RBPJ: variants seen among roughly 807,000 people sequenced by gnomAD.
The protein encoded by RBPJ is recombining binding protein suppressor of hairless.
In RBPJ, 9 loss-of-function variants were observed where a neutral mutation model predicts 67.8. The observed-to-expected ratio is 0.13, with a 90% CI of 0.08 to 0.23. The LOEUF is 0.23. Ranked by LOEUF, RBPJ falls within the 10% of genes least tolerant of loss-of-function variation. The pLI is 1.00. For missense variants in RBPJ, 305 were observed against 595.6 expected (o/e 0.51, Z 5.08); for synonymous variants, 198 against 203.3 (o/e 0.97, Z 0.22).
intron 3 of RBPJ, among the ~76,000 whole-genome samples, chr4:26,412,742 G>C (rs1734167701): frequency 6.6e-6 from 1 of 152,084 alleles, no homozygotes; most frequent in Non-Finnish European, 1.5e-5. Context: ...AAAAAAACAG[G>C]AGATGTGTTT....
At chr4:26,329,347 T>C (rs1723991127) in intron 1 of RBPJ, among the ~76,000 whole-genome samples, 1 of 152,148 alleles carries the variant, frequency 6.6e-6, no homozygotes, top group Non-Finnish European at 1.5e-5. Context: ...TAAAATAGAT[T>C]GGAATTGGTG....
At chr4:26,139,037 C>A in the RBPJ span, among the ~76,000 whole-genome samples, 400 of 152,328 alleles carry the variant, frequency 2.6e-3, no homozygotes, top group African/African-American at 8.6e-3. Flanking sequence ...CTCAGGACAA[C>A]CCAGGCAGCT....
At chr4:26,167,843 G>A (rs1478469545) in intron 1 of RBPJ, among the ~76,000 whole-genome samples, 28 of 151,852 alleles carry the variant, frequency 1.8e-4, no homozygotes, top group Non-Finnish European at 3.2e-4. Context: ...GTATGATATT[G>A]GCTGTGGGTT....
chr4:26,244,439 ATG>A (rs1343942959), intron 1 of RBPJ, among the ~76,000 whole-genome samples: 13 of 136,112 alleles, frequency 9.6e-5, no homozygotes, highest in South Asian at 2.3e-4. Context: ...ATGTATACAT[ATG>A]TGTGTATACA....
intron 2 of RBPJ, among the ~76,000 whole-genome samples, chr4:26,391,768 A>G (rs1577593444): frequency 6.6e-6 from 1 of 152,246 alleles, no homozygotes; most frequent in Non-Finnish European, 1.5e-5. Context: ...ATGTGTGAAT[A>G]TGACAAATAC....
chr4:26,270,401 G>GAAAGAAAGAAAGAAAGAAAGAAAGA (rs1720857831), intron 1 of RBPJ, among the ~76,000 whole-genome samples: 1 of 59,924 alleles, frequency 1.7e-5, no homozygotes, highest in Admixed American at 2.3e-4. Flanking sequence ...AAGAAAGAAA[G>GAAAGAAAGAAAGAAAGAAAGAAAGA]AAAGAAAGAA....
chr4:26,252,288 T>A (rs778841123), intron 1 of RBPJ, among the ~76,000 whole-genome samples: 2 of 151,872 alleles, frequency 1.3e-5, no homozygotes, highest in Non-Finnish European at 2.9e-5. Flanking sequence ...TTATGTTTTA[T>A]GTGACTTTTT....
chr4:26,127,451 A>C, the RBPJ span, among the ~76,000 whole-genome samples: 2 of 152,154 alleles, frequency 1.3e-5, no homozygotes, highest in African/African-American at 4.8e-5. Context: ...TCCCAGCCTC[A>C]CCAGTTTGAC....
At chr4:26,378,852 C>T (rs1730022392) in intron 1 of RBPJ, among the ~76,000 whole-genome samples, 1 of 152,006 alleles carries the variant, frequency 6.6e-6, no homozygotes, top group Non-Finnish European at 1.5e-5. Context: ...TATGGTGAAA[C>T]CCTATCTCTA....
chr4:26,401,759 C>T (rs1443627584), intron 2 of RBPJ, among the ~76,000 whole-genome samples: 1 of 152,152 alleles, frequency 6.6e-6, no homozygotes, highest in Non-Finnish European at 1.5e-5. Context: ...TCCGGAAATA[C>T]ACTTAATGGC....
the RBPJ span, among the ~76,000 whole-genome samples, chr4:26,139,153 A>G: frequency 8.8e-3 from 1,308 of 148,412 alleles, 18 homozygotes; most frequent in African/African-American, 0.03. Context: ...CCACAGACCC[A>G]ATCTCTGGTT....
intron 1 of RBPJ, among the ~76,000 whole-genome samples, chr4:26,324,588 G>A (rs1483651440): frequency 6.6e-6 from 1 of 152,174 alleles, no homozygotes; most frequent in East Asian, 1.9e-4. Flanking sequence ...GGAGTTCAGT[G>A]GCACAATCTT....
In RBPJ at chr4:26,204,091, C is replaced by T. The variant is rs548514306; in HGVS notation, c.-167+40477C>T. On this transcript the variant is annotated intron_variant, in intron 1 of 4. Coordinates refer to the RBPJ transcript ENST00000512351. ...TCCCGAGTAGCTGGGACCACAGGTGCGTGCCACCATGCCTGACTAATTTTT... is the reference window on the plus strand; with the variant it reads ...TCCCGAGTAGCTGGGACCACAGGTGTGTGCCACCATGCCTGACTAATTTTT... 4.6e-5 allele frequency among the ~76,000 whole-genome samples: 7 copies of T among 152,128 alleles called. No homozygotes were observed. In the East Asian group the frequency reaches 7.8e-4, roughly 17 times the overall value.
At chr4:26,346,020 C>T (rs1726096479) in intron 1 of RBPJ, among the ~76,000 whole-genome samples, 1 of 151,528 alleles carries the variant, frequency 6.6e-6, no homozygotes, top group African/African-American at 2.4e-5. Context: ...GAAATTAAAA[C>T]ACACACACAC....
intron 1 of RBPJ, among the ~76,000 whole-genome samples, chr4:26,253,637 A>G (rs948836683): frequency 6.9e-6 from 1 of 145,882 alleles, no homozygotes; most frequent in African/African-American, 2.8e-5. Context: ...CTTTCAGCCC[A>G]TTTTTAGAGA....
At chr4:26,183,734 G>A (rs957186131) in intron 1 of RBPJ, among the ~76,000 whole-genome samples, 31 of 152,218 alleles carry the variant, frequency 2.0e-4, no homozygotes, top group African/African-American at 6.8e-4. Context: ...ATGTAGCCGG[G>A]CGTGGTCGCT....
intron 4 of RBPJ, among the ~76,000 whole-genome samples, chr4:26,416,806 G>A (rs1444474067): frequency 6.6e-6 from 1 of 152,138 alleles, no homozygotes; most frequent in African/African-American, 2.4e-5. Flanking sequence ...TTGAATTTTA[G>A]TGATTTTACA....
In RBPJ at chr4:26,301,958, A is replaced by AT. The variant is rs567991672; in HGVS notation, c.-166-60481dup. On this transcript the variant is annotated intron_variant, in intron 1 of 4. Coordinates refer to the RBPJ transcript ENST00000512351. ...TAGGTGTGCGCCACCAGGCCCAGCTATTTTTTTGTATTTTAGTAGAGATGG... is the reference window on the plus strand; with the variant it reads ...TAGGTGTGCGCCACCAGGCCCAGCTATTTTTTTTGTATTTTAGTAGAGATGG... Among the ~76,000 whole-genome samples, 227 of 152,012 alleles carry AT rather than the reference A, an allele frequency of 1.5e-3. 1 individual carries two copies. The highest frequency in any genetic ancestry group is 5.2e-3 in the African/African-American group (217 of 41,484).
intron 2 of RBPJ, 30 bp from the exon 3 acceptor site, chr4:26,406,145 T>A: frequency 7.2e-7 from 1 of 1,390,782 alleles, no homozygotes; most frequent in Non-Finnish European, 1.0e-6. Context: ...ATTTCACCTC[T>A]GTAACAGTAA....
Sources: allele counts gnomAD v4.1 joint callset (sites outside exome capture counted in the v4.1 genomes callset), GRCh38; gene constraint gnomAD v4.1.1; transcripts MANE v1.5; gene names NCBI Gene and HGNC (gene_info 2026-07-23, HGNC 2026-07-21).